The following C9orf153 variants were observed in gnomAD, a reference collection of about 807,000 sequenced individuals.
C9orf153 encodes uncharacterized protein C9orf153.
Under a neutral mutation model 9.0 loss-of-function variants are expected in C9orf153, and 10 were observed. The observed-to-expected ratio is 1.11, with a 90% CI of 0.69 to 1.89. The LOEUF (loss-of-function observed/expected upper bound fraction) is 1.89. Among genes scored for constraint, C9orf153 ranks in the 40% most tolerant of loss-of-function variants. The probability of loss-of-function intolerance (pLI) is 0.00; values close to 1 mark genes in which losing one functional copy is unlikely to be tolerated. For synonymous variants in C9orf153, 35 were observed against 37.3 expected, an observed-to-expected ratio of 0.94 and a Z score of 0.23; for missense variants, 108 against 111.0, an observed-to-expected ratio of 0.97 and a Z score of 0.12.
chr9:86,231,662 C>T (rs978053124), intron 1 of C9orf153, among the ~76,000 whole-genome samples: 18 of 142,168 alleles, frequency 1.3e-4, no homozygotes, highest in African/African-American at 5.2e-4. Context: ...ATCTCAAATA[C>T]ATTTTTGTCA....
chr9:86,233,939 TG>T (rs1824524672), intron 1 of C9orf153, among the ~76,000 whole-genome samples: 1 of 151,974 alleles, frequency 6.6e-6, no homozygotes. Flanking sequence ...AAAAATTAGC[TG>T]GGCATGGTGG....
chr9:86,250,535 T>C (rs186730836), intron 1 of C9orf153, among the ~76,000 whole-genome samples: 20 of 152,392 alleles, frequency 1.3e-4, no homozygotes, highest in East Asian at 7.7e-4. Context: ...CAATAGCTCA[T>C]TGTATTTTTC....
intron 3 of C9orf153, among the ~76,000 whole-genome samples, chr9:86,227,017 C>A (rs538343364): frequency 7.2e-5 from 11 of 152,192 alleles, no homozygotes; most frequent in African/African-American, 2.7e-4. Context: ...CTGCCCGCCT[C>A]GGTCTCCCAA....
At chr9:86,228,172 C>T in intron 2 of C9orf153, 142 bp from the exon 3 acceptor site, 1 of 644,322 alleles carries the variant, frequency 1.6e-6, no homozygotes, top group Non-Finnish European at 2.5e-6. Context: ...GATATCTTTG[C>T]CTAACTAAAG....
At chr9:86,251,198 A>G (rs1231557818) in intron 1 of C9orf153, among the ~76,000 whole-genome samples, 3 of 152,216 alleles carry the variant, frequency 2.0e-5, no homozygotes, top group Non-Finnish European at 4.4e-5. Flanking sequence ...ATGATATCCA[A>G]ATATGATATA....
intron 1 of C9orf153, among the ~76,000 whole-genome samples, chr9:86,259,026 G>A (rs1825187101): frequency 7.4e-6 from 1 of 135,262 alleles, no homozygotes; most frequent in South Asian, 2.5e-4. Context: ...ATCATACAGA[G>A]CAGTGTTTTT....
At chr9:86,237,645 A>T (rs1824626806) in intron 1 of C9orf153, among the ~76,000 whole-genome samples, 1 of 152,108 alleles carries the variant, frequency 6.6e-6, no homozygotes, top group Non-Finnish European at 1.5e-5. Flanking sequence ...AGAAAGAGAT[A>T]TTATCCTTGA....
At chr9:86,231,058 T>C (rs1824458908) in intron 1 of C9orf153, among the ~76,000 whole-genome samples, 1 of 152,148 alleles carries the variant, frequency 6.6e-6, no homozygotes, top group Non-Finnish European at 1.5e-5. Flanking sequence ...GCTGCCTATC[T>C]GGAGAGACCA....
intron 1 of C9orf153, among the ~76,000 whole-genome samples, chr9:86,236,097 G>A (rs771404553): frequency 6.6e-6 from 1 of 152,002 alleles, no homozygotes; most frequent in Non-Finnish European, 1.5e-5. Flanking sequence ...AAGATTAAAA[G>A]TAATTATTTG....
Position 86,220,495 on chromosome 9 carries a change from C to T in C9orf153, c.*1193G>A, listed in dbSNP as rs1292210929. 1.3e-5 allele frequency: 2 copies of T among 152,162 alleles called. No homozygotes were observed. The highest frequency in any genetic ancestry group is 2.9e-5 in the Non-Finnish European group (2 of 68,032). 9.4% of individuals were successfully genotyped at this position (152,162 alleles called of 1,614,324 possible). On this transcript the variant is annotated 3_prime_UTR_variant, in exon 4 of 4. Transcript: ENST00000339137. ...GAGAGTTTGGCTGCTTATAGAATTA[C>T]AGACAGCTATTTTCCTTCAGCATTG...
intron 1 of C9orf153, among the ~76,000 whole-genome samples, chr9:86,257,937 G>A (rs747704695): frequency 1.3e-5 from 2 of 152,216 alleles, no homozygotes; most frequent in Admixed American, 6.5e-5. Flanking sequence ...CTAACGTGGA[G>A]GGGGAGAGAG....
At chr9:86,258,341 C>CA (rs11379277) in intron 1 of C9orf153, 82,549 of 111,666 alleles carry the variant, frequency 0.74, 29,681 homozygotes, top group East Asian at 0.93. Context: ...GACTTTGTCT[C>CA]AAAAAAAAAA....
intron 1 of C9orf153, among the ~76,000 whole-genome samples, chr9:86,256,840 G>T (rs1360093817): frequency 6.6e-6 from 1 of 152,122 alleles, no homozygotes; most frequent in Non-Finnish European, 1.5e-5. Flanking sequence ...GTGATACAAA[G>T]AACAGCGCAT....
intron 1 of C9orf153, among the ~76,000 whole-genome samples, chr9:86,236,639 G>A (rs1056313381): frequency 1.3e-5 from 2 of 151,680 alleles, no homozygotes; most frequent in Admixed American, 6.6e-5. Context: ...GACCTGTCTT[G>A]CAAGAAATGT....
chr9:86,244,640 T>C (rs1259425638), intron 1 of C9orf153, among the ~76,000 whole-genome samples: 1 of 152,182 alleles, frequency 6.6e-6, no homozygotes, highest in Non-Finnish European at 1.5e-5. Context: ...TGGGAGTGTG[T>C]TCTTTCTTGG....
chr9:86,238,587 A>G (rs547435683), intron 1 of C9orf153, among the ~76,000 whole-genome samples: 1 of 152,320 alleles, frequency 6.6e-6, no homozygotes, highest in South Asian at 2.1e-4. Context: ...ATACCCCAAG[A>G]GAGGGACTGC....
chr9:86,239,085 C>T (rs1025855001), intron 1 of C9orf153, among the ~76,000 whole-genome samples: 19 of 151,632 alleles, frequency 1.3e-4, no homozygotes, highest in Non-Finnish European at 2.5e-4. Flanking sequence ...CATGGTGAAA[C>T]CCCATCTCTA....
intron 3 of C9orf153, among the ~76,000 whole-genome samples, chr9:86,223,423 G>A (rs1001782700): frequency 7.2e-5 from 11 of 152,120 alleles, no homozygotes; most frequent in Non-Finnish European, 1.0e-4. Context: ...AGCCGAGATC[G>A]TGCTGCTGCA....
intron 1 of C9orf153, among the ~76,000 whole-genome samples, chr9:86,230,127 A>T (rs1287963250): frequency 2.0e-5 from 3 of 152,226 alleles, no homozygotes; most frequent in African/African-American, 7.2e-5. Context: ...ACACAAATCC[A>T]AAGCATATCA....
Sources: gnomAD v4.1 joint callset for allele counts (sites outside exome capture counted in the v4.1 genomes callset) on GRCh38, gnomAD v4.1.1 for gene constraint, MANE v1.5 for transcripts, NCBI Gene and HGNC (gene_info 2026-07-23, HGNC 2026-07-21) for gene names.